Variants in HNF4A observed in about 807,000 individuals in gnomAD.
HNF4A encodes the protein hepatocyte nuclear factor 4 alpha.
In HNF4A, 15 loss-of-function variants were observed where a neutral mutation model predicts 52.4. That is an observed-to-expected ratio of 0.29 (90% CI 0.19 to 0.44). The LOEUF (loss-of-function observed/expected upper bound fraction) is 0.44. Ranked by LOEUF, HNF4A falls within the 20% of genes least tolerant of loss-of-function variation. HNF4A has a pLI of 1.00. For missense variants in HNF4A, 479 were observed against 647.2 expected, an observed-to-expected ratio of 0.74 and a Z score of 2.82; for synonymous variants, 280 against 264.4, an observed-to-expected ratio of 1.06 and a Z score of -0.57.
At chr20:44,407,292 G>T (rs1421554638) in intron 2 of HNF4A, 89 bp from the exon 3 acceptor site, 3 of 927,626 alleles carry the variant, frequency 3.2e-6, no homozygotes, top group African/African-American at 1.6e-5. Context: ...ACTGAGGTTG[G>T]GGGGTCAACT....
intron 1 of HNF4A, among the ~76,000 whole-genome samples, chr20:44,401,931 C>T (rs1222470823): frequency 2.0e-5 from 3 of 151,920 alleles, no homozygotes; most frequent in Non-Finnish European, 4.4e-5. Flanking sequence ...GAGACATAAC[C>T]GCATTTCTCG....
rs1219186068 is a variant in HNF4A, at chr20:44,401,298, G to A, written c.-75G>A. ...GAGAGGGCACTGGGAGGAGGCAGTG[G>A]GAGGGCGGAGGGCGGGGGCCTTCGG... On this transcript the variant is annotated 5_prime_UTR_variant, in exon 1 of 10. Transcript: ENST00000316099. 6.2e-7 allele frequency: 1 copy of A among 1,604,750 alleles called. No homozygotes were observed. The highest frequency in any genetic ancestry group is 8.5e-7 in the Non-Finnish European group (1 of 1,177,664).
chr20:44,381,772 G>A (rs1201128056), intron 1 of HNF4A, among the ~76,000 whole-genome samples: 5 of 151,970 alleles, frequency 3.3e-5, no homozygotes, highest in African/African-American at 7.3e-5. Flanking sequence ...CACCACGCCC[G>A]GCTAATTTTT....
At chr20:44,394,874 A>T (rs1322640549) in intron 1 of HNF4A, among the ~76,000 whole-genome samples, 2 of 152,238 alleles carry the variant, frequency 1.3e-5, no homozygotes, top group African/African-American at 4.8e-5. Context: ...AGCAATGATT[A>T]GCAGCTGGGT....
intron 1 of HNF4A, among the ~76,000 whole-genome samples, chr20:44,363,706 C>CTT (rs11480026): frequency 3.4e-3 from 367 of 107,438 alleles, no homozygotes; most frequent in Non-Finnish European, 4.6e-3. Context: ...TCCATCTACT[C>CTT]TTTTTTTTTT....
rs137893277 is a variant in HNF4A, at chr20:44,390,711, G to A, written c.50-15347G>A. On this transcript the variant is annotated intron_variant, in intron 1 of 9. Transcript: ENST00000316673. ...TCCTGACTCCACATCTGCCTGGAAGGAAGGATGGGATGGTAGGAGAGAGAC... is the reference window on the plus strand; with the variant it reads ...TCCTGACTCCACATCTGCCTGGAAGAAAGGATGGGATGGTAGGAGAGAGAC... 3.9e-3 allele frequency: 2,713 copies of A among 699,928 alleles called. 11 individuals carry two copies. The highest frequency in any genetic ancestry group is 0.02 in the Middle Eastern group (86 of 4,350). The allele number at this position is 699,928 out of a possible 1,614,324, so 43.4% of individuals were successfully genotyped here.
At chr20:44,397,936 C>T (rs2063368203), upstream of HNF4A, among the ~76,000 whole-genome samples, 1 of 152,156 alleles carries the variant, frequency 6.6e-6, no homozygotes, top group Admixed American at 6.5e-5. Context: ...CTGAAACTTT[C>T]AAGGTCTCAA....
At chr20:44,360,603 A>AG (rs745900043) in intron 1 of HNF4A, among the ~76,000 whole-genome samples, 35 of 152,306 alleles carry the variant, frequency 2.3e-4, no homozygotes, top group Non-Finnish European at 4.7e-4. Flanking sequence ...GGGCTGAGGT[A>AG]GCCTGGAATA....
intron 4 of HNF4A, 30 bp from the exon 5 acceptor site, chr20:44,414,477 C>G: frequency 1.9e-6 from 3 of 1,614,166 alleles, no homozygotes; most frequent in Non-Finnish European, 2.5e-6. Context: ...CCGGACATCT[C>G]CAGCATTTTC....
intron 1 of HNF4A, among the ~76,000 whole-genome samples, chr20:44,383,438 C>G (rs2063180043): frequency 6.6e-6 from 1 of 152,126 alleles, no homozygotes; most frequent in South Asian, 2.1e-4. Context: ...CCCAGGATGT[C>G]AAGTTCCAGA....
intron 1 of HNF4A, among the ~76,000 whole-genome samples, chr20:44,370,840 C>T (rs973065131): frequency 2.0e-5 from 3 of 152,210 alleles, no homozygotes; most frequent in South Asian, 2.1e-4. Context: ...CCTCTCTCTC[C>T]CCAGACAGCC....
intron 1 of HNF4A, among the ~76,000 whole-genome samples, chr20:44,358,248 GAA>G (rs57044554): frequency 0.24 from 27,114 of 113,192 alleles, 3,256 homozygotes; most frequent in East Asian, 0.49. Flanking sequence ...GAAGGCTCCA[GAA>G]AAAAAAAAAA....
At position 44,431,202 on chromosome 20, in the gene HNF4A, T is replaced by C. The variant is rs2063873719; in HGVS notation, c.*1537T>C. The C allele has an allele frequency of 6.6e-6, 1 of 152,208 alleles. No individual in the cohort carries two copies. The highest frequency in any genetic ancestry group is 2.4e-5 in the African/African-American group (1 of 41,436). 9.4% of individuals were successfully genotyped at this position (152,208 alleles called of 1,614,324 possible). ...TTAACTACAGTGGCTGAATAGCTTC[T>C]CCAAAGGCTCCCTGTGTTCTCACCG... On this transcript the variant is annotated 3_prime_UTR_variant, in exon 10 of 10. Transcript: ENST00000316099.
upstream of HNF4A, among the ~76,000 whole-genome samples, chr20:44,397,710 C>T (rs1405198913): frequency 6.6e-6 from 1 of 152,086 alleles, no homozygotes; most frequent in Non-Finnish European, 1.5e-5. Flanking sequence ...GCTTCCACCT[C>T]CCAGGTTCAA....
At position 44,401,325 on chromosome 20, in the gene HNF4A, G is replaced by C; in HGVS notation, c.-48G>C. ...AGGGCGGAGGGCGGGGGCCTTCGGG[G>C]TGGGCGCCCAGGGTAGGGCAGGTGG... On this transcript the variant is annotated 5_prime_UTR_variant, in exon 1 of 10. Transcript: ENST00000316099. 9 of 1,612,856 alleles carry C rather than the reference G, an allele frequency of 5.6e-6. No individual in the cohort carries two copies. The highest frequency in any genetic ancestry group is 7.6e-6 in the Non-Finnish European group (9 of 1,179,660).
upstream of HNF4A, among the ~76,000 whole-genome samples, chr20:44,397,272 C>T (rs116198451): frequency 8.7e-3 from 1,330 of 152,212 alleles, 22 homozygotes; most frequent in African/African-American, 0.03. Context: ...TTCTTCCTCA[C>T]TGGAGGGCGT....
intron 3 of HNF4A, among the ~76,000 whole-genome samples, chr20:44,410,796 G>T (rs928090533): frequency 2.6e-5 from 4 of 152,012 alleles, no homozygotes; most frequent in African/African-American, 9.7e-5. Context: ...TAGAACTCAG[G>T]CTCCCCAGAG....
intron 3 of HNF4A, among the ~76,000 whole-genome samples, chr20:44,413,169 C>T (rs2063610928): frequency 2.0e-5 from 3 of 152,302 alleles, no homozygotes; most frequent in South Asian, 2.1e-4. Flanking sequence ...AGGGAGACAG[C>T]GCCTGGCCTT....
chr20:44,396,964 A>G (rs1357509858), upstream of HNF4A, among the ~76,000 whole-genome samples: 3 of 152,188 alleles, frequency 2.0e-5, no homozygotes, highest in Non-Finnish European at 4.4e-5. Context: ...CTCTCATTTA[A>G]TCTTCACGAC....
Sources: gnomAD v4.1 joint callset for allele counts (sites outside exome capture counted in the v4.1 genomes callset) on GRCh38, gnomAD v4.1.1 for gene constraint, MANE v1.5 for transcripts, NCBI Gene and HGNC (gene_info 2026-07-23, HGNC 2026-07-21) for gene names.